Variants in EFCAB6 observed in about 807,000 individuals in gnomAD.
The protein encoded by EFCAB6 is EF-hand calcium-binding domain-containing protein 6.
EFCAB6 carries 156 observed loss-of-function variants against 169.8 expected under a neutral mutation model. That is an observed-to-expected ratio of 0.92 (90% CI 0.81 to 1.05). The LOEUF is 1.05. Among genes scored for constraint, EFCAB6 ranks in the 50% least tolerant of loss-of-function variants. The pLI, the probability that EFCAB6 is intolerant of heterozygous loss-of-function variation, is 0.00. For missense variants in EFCAB6, 1,800 were observed against 1,829.1 expected (o/e 0.98, Z 0.29); for synonymous variants, 698 against 676.4 (o/e 1.03, Z -0.50).
rs2050257588 is a variant in EFCAB6 at position 43,576,373 on chromosome 22, C to T, written c.3344G>A (p.Arg1115Lys). ...LTDNQYHYFL[R>K]KLRIHLTPYI... ...GGGGGTTAGATGAATTCTTAGTTTCCTCAAAAAATAATGATACTGATTGTC... is the reference window on the plus strand; with the variant it reads ...GGGGGTTAGATGAATTCTTAGTTTCTTCAAAAAATAATGATACTGATTGTC... Residue 1115 changes from arginine to lysine, a missense_variant, in exon 26 of 32, where the codon AGG (arginine) becomes AAG (lysine). Arg to Lys is a conservative substitution (Grantham distance 26). Coordinates refer to ENST00000262726, the MANE Select transcript of EFCAB6 (RefSeq NM_022785.4). 1.9e-6 allele frequency: 3 copies of T among 1,599,850 alleles called. No homozygotes were observed. In the Admixed American group the frequency reaches 5.3e-5, roughly 28 times the overall value.
intron 24 of EFCAB6, among the ~76,000 whole-genome samples, chr22:43,582,341 TACACACAC>T (rs34578401): frequency 6.7e-6 from 1 of 148,368 alleles, no homozygotes; most frequent in East Asian, 2.0e-4. Context: ...TCTATACACA[TACACACAC>T]ACACACACAC....
chr22:43,655,029 G>A (rs781028860), intron 17 of EFCAB6, among the ~76,000 whole-genome samples: 3 of 152,132 alleles, frequency 2.0e-5, no homozygotes, highest in Non-Finnish European at 2.9e-5. Flanking sequence ...AGGCTGAGCC[G>A]AGCGGATCAC....
At chr22:43,601,082 A>C (rs1160810596) in intron 22 of EFCAB6, among the ~76,000 whole-genome samples, 3 of 152,248 alleles carry the variant, frequency 2.0e-5, no homozygotes, top group Non-Finnish European at 2.9e-5. Context: ...ATGTCACTTG[A>C]TTCAAAGATG....
At chr22:43,691,027 T>A (rs1397610952) in intron 10 of EFCAB6, among the ~76,000 whole-genome samples, 1 of 152,092 alleles carries the variant, frequency 6.6e-6, no homozygotes, top group East Asian at 1.9e-4. Context: ...TGATTATGAT[T>A]ATGGCAGCTA....
At chr22:43,610,167 GACT>G (rs2147646121) in intron 21 of EFCAB6, among the ~76,000 whole-genome samples, 1 of 152,248 alleles carries the variant, frequency 6.6e-6, no homozygotes, top group South Asian at 2.1e-4. Context: ...TAGTAAATTT[GACT>G]ACATTAAAAA....
At chr22:43,669,076 C>G in intron 15 of EFCAB6, 31 bp from the exon 16 acceptor site, 1 of 1,537,342 alleles carries the variant, frequency 6.5e-7, no homozygotes, top group Non-Finnish European at 8.8e-7. Flanking sequence ...AAAACACACT[C>G]AGTAGAGTAA....
intron 24 of EFCAB6, among the ~76,000 whole-genome samples, chr22:43,586,339 G>GTTTTTTTTTTTT (rs2051061882): frequency 2.2e-5 from 1 of 46,136 alleles, no homozygotes; most frequent in African/African-American, 9.8e-5. Context: ...AGCAACAACT[G>GTTTTTTTTTTTT]ATTTTTTTTT....
intron 8 of EFCAB6, among the ~76,000 whole-genome samples, chr22:43,727,754 T>A (rs2059791154): frequency 6.6e-6 from 1 of 152,198 alleles, no homozygotes; most frequent in Non-Finnish European, 1.5e-5. Context: ...TAGTCTGCTT[T>A]GCATTGCTAT....
At chr22:43,560,011 C>T (rs2048934497) in intron 26 of EFCAB6, among the ~76,000 whole-genome samples, 1 of 151,910 alleles carries the variant, frequency 6.6e-6, no homozygotes, top group Non-Finnish European at 1.5e-5. Context: ...TACATGTATC[C>T]CAGAACTGAA....
chr22:43,568,604 G>A (rs2049604741), intron 26 of EFCAB6, among the ~76,000 whole-genome samples: 1 of 152,120 alleles, frequency 6.6e-6, no homozygotes, highest in African/African-American at 2.4e-5. Context: ...TGAGGCGGGA[G>A]TGCTCTGAGG....
In EFCAB6 at chr22:43,668,960, TGG is replaced by T; in HGVS notation, c.1724_1725del (p.Pro575HisfsTer15). On this transcript the variant is annotated frameshift_variant, in exon 16 of 32. Coordinates refer to ENST00000262726, the MANE Select transcript of EFCAB6 (RefSeq NM_022785.4). LOFTEE classifies it high-confidence loss of function. ...TTTGGAACAAGAACTGGAGAGACAG[TGG>T]GTGGGCCATCAATTCCTATGCATGC... is the stretch of plus-strand genomic sequence containing the variant. Reference protein sequence around the residue: ...LLACIGIDGPPTVSPVLVPKD... With the variant: ...LLACIGIDGPXTVSPVLVPKD... 6.2e-7 allele frequency: 1 copy of T among 1,613,584 alleles called. No individual in the cohort carries two copies. The highest frequency in any genetic ancestry group is 1.6e-4 in the Middle Eastern group (1 of 6,062).
At chr22:43,704,041 C>T (rs564340432) in intron 10 of EFCAB6, among the ~76,000 whole-genome samples, 15 of 152,074 alleles carry the variant, frequency 9.9e-5, no homozygotes, top group Middle Eastern at 6.8e-3. Flanking sequence ...TCAAATTCAA[C>T]CCAAAGAGGA....
chr22:43,618,839 C>T (rs527246681), intron 20 of EFCAB6, among the ~76,000 whole-genome samples: 22 of 151,972 alleles, frequency 1.4e-4, no homozygotes, highest in East Asian at 1.9e-4. Context: ...TTTTCTCTAA[C>T]CAGAAAAAAT....
At chr22:43,632,333 C>G (rs1029996687) in intron 18 of EFCAB6, 95 bp from the exon 19 acceptor site, 1 of 1,460,870 alleles carries the variant, frequency 6.8e-7, no homozygotes, top group Non-Finnish European at 9.0e-7. Flanking sequence ...GAGTCTCGCT[C>G]TTGTTGCCCA....
At position 43,687,486 on chromosome 22, in the gene EFCAB6, A is replaced by G; in HGVS notation, c.1127T>C (p.Leu376Pro). 1 of 1,421,978 alleles carries G rather than the reference A, an allele frequency of 7.0e-7. No individual in the cohort carries two copies. Among genetic ancestry groups the G allele is most frequent in the South Asian group, 1.5e-5 (1 of 65,440 alleles). 88.1% of individuals were successfully genotyped at this position (1,421,978 alleles called of 1,614,324 possible). A position where few individuals can be genotyped will look rare whatever the true frequency, so the allele number is the denominator to read the frequency against. The change falls in exon 11 of 32, where the codon CTG becomes CCG. Residue 376 changes from leucine to proline, a missense_variant. Leu to Pro is a moderately conservative substitution (Grantham distance 98, BLOSUM62 -3). Transcript: ENST00000262726. ...TTTTACATACCTATTTCTTTTTGTCAGGGGACCTTTACTGCTAACTTGCAA... is the reference window on the plus strand; with the variant it reads ...TTTTACATACCTATTTCTTTTTGTCGGGGGACCTTTACTGCTAACTTGCAA... ...QGLQVSSKGP[L>P]TKRNSINSRN...
intron 17 of EFCAB6, among the ~76,000 whole-genome samples, chr22:43,639,135 T>G (rs1259085823): frequency 2.0e-5 from 3 of 152,168 alleles, no homozygotes; most frequent in African/African-American, 7.2e-5. Flanking sequence ...GACAATGCCA[T>G]GGTTTTTGTT....
At chr22:43,679,467 G>A (rs1468475835) in intron 12 of EFCAB6, among the ~76,000 whole-genome samples, 1 of 152,132 alleles carries the variant, frequency 6.6e-6, no homozygotes, top group Non-Finnish European at 1.5e-5. Context: ...AAGTCTTTGT[G>A]TGGACATGTT....
intron 26 of EFCAB6, among the ~76,000 whole-genome samples, chr22:43,574,238 A>G (rs1462732391): frequency 1.3e-5 from 2 of 152,202 alleles, no homozygotes; most frequent in Non-Finnish European, 2.9e-5. Context: ...GGTACAATTT[A>G]ACGTTAAGTG....
chr22:43,616,004 T>C (rs2053662507), intron 20 of EFCAB6, 82 bp from the exon 21 acceptor site: 2 of 1,186,054 alleles, frequency 1.7e-6, no homozygotes, highest in Non-Finnish European at 2.4e-6. Flanking sequence ...CTATCCCCCC[T>C]GTTTGTTTCA....
Sources: gnomAD v4.1 joint callset for allele counts (sites outside exome capture counted in the v4.1 genomes callset) on GRCh38, gnomAD v4.1.1 for gene constraint, MANE v1.5 for transcripts, NCBI Gene and HGNC (gene_info 2026-07-23, HGNC 2026-07-21) for gene names.